CAND1: variants seen among roughly 807,000 people sequenced by gnomAD.
CAND1 encodes the protein cullin associated and neddylation dissociated 1, also known as cullin-associated NEDD8-dissociated protein 1.
CAND1 carries 7 observed loss-of-function variants against 108.5 expected under a neutral mutation model. The observed-to-expected ratio is 0.06, with a 90% CI of 0.04 to 0.12. The LOEUF is 0.12. Among genes scored for constraint, CAND1 ranks in the 10% least tolerant of loss-of-function variants. CAND1 has a pLI of 1.00. For missense variants in CAND1, 941 were observed against 1,448.7 expected, an observed-to-expected ratio of 0.65 and a Z score of 5.69; for synonymous variants, 534 against 512.0, an observed-to-expected ratio of 1.04 and a Z score of -0.58.
rs558509845 is a variant in CAND1 at position 67,315,090 on chromosome 12, A to G, written c.*2260A>G. 4 of 152,380 alleles carry G rather than the reference A, an allele frequency of 2.6e-5. No individual in the cohort carries two copies. Among genetic ancestry groups the G allele is most frequent in the African/African-American group, 9.6e-5 (4 of 41,594 alleles). The allele number at this position is 152,380 out of a possible 1,614,324, so 9.4% of individuals were successfully genotyped here. A position where few individuals can be genotyped will look rare whatever the true frequency, so the allele number is the denominator to read the frequency against. ...TTCCTGAGGAGATCTAAAAGTTAAT[A>G]CAAAACCAAGCTGTTTACTGATTTT... On this transcript the variant is annotated 3_prime_UTR_variant, in exon 15 of 15. Coordinates refer to ENST00000545606, the MANE Select transcript of CAND1 (RefSeq NM_018448.5).
At chr12:67,302,689 G>A in intron 8 of CAND1, 74 bp downstream of exon 8, 1 of 1,327,478 alleles carries the variant, frequency 7.5e-7, no homozygotes, top group Non-Finnish European at 1.1e-6. Context: ...TATATGGAAA[G>A]GTGAGTTCCA....
At chr12:67,287,808 T>G (rs1233254886) in intron 2 of CAND1, among the ~76,000 whole-genome samples, 12 of 151,830 alleles carry the variant, frequency 7.9e-5, no homozygotes, top group Non-Finnish European at 1.5e-5. Context: ...ATCCTACAAA[T>G]TTGGGTATAT....
intron 2 of CAND1, among the ~76,000 whole-genome samples, chr12:67,286,201 G>T (rs1346170354): frequency 6.6e-6 from 1 of 151,958 alleles, no homozygotes; most frequent in Non-Finnish European, 1.5e-5. Flanking sequence ...AAATAGAGAC[G>T]GGGTTTCACC....
intron 2 of CAND1, among the ~76,000 whole-genome samples, chr12:67,287,660 A>G (rs1186504426): frequency 6.6e-6 from 1 of 151,926 alleles, no homozygotes; most frequent in Non-Finnish European, 1.5e-5. Context: ...TGAATCAAAG[A>G]CCTGACTTGT....
At chr12:67,292,943 C>A in intron 3 of CAND1, 167 bp downstream of exon 3, 1 of 585,422 alleles carries the variant, frequency 1.7e-6, no homozygotes, top group East Asian at 3.0e-5. Flanking sequence ...CCTTATTTTC[C>A]TTAGAAATAA....
intron 2 of CAND1, among the ~76,000 whole-genome samples, chr12:67,288,027 G>C (rs1274222308): frequency 6.6e-6 from 1 of 151,508 alleles, no homozygotes; most frequent in Non-Finnish European, 1.5e-5. Context: ...GTAGGTCTTG[G>C]CAAATATTTT....
intron 1 of CAND1, among the ~76,000 whole-genome samples, chr12:67,271,245 TG>T (rs1341394551): frequency 6.6e-6 from 1 of 152,146 alleles, no homozygotes; most frequent in Non-Finnish European, 1.5e-5. Context: ...TTAAGATTCT[TG>T]GGGGAAATAA....
chr12:67,271,043 C>G (rs1199049169), intron 1 of CAND1, among the ~76,000 whole-genome samples: 4 of 152,196 alleles, frequency 2.6e-5, no homozygotes, highest in African/African-American at 9.7e-5. Context: ...AATTGATATA[C>G]TGGCTTATTA....
chr12:67,269,866 C>T lies in CAND1; in HGVS notation c.68+81C>T, dbSNP rs1426963868. On this transcript the variant is annotated intron_variant, in intron 1 of 14. Transcript: ENST00000545606. ...GGCCGTCACGCAGGCCTTGCCCCAC[C>T]CCTTCGGCCGTAGCCGGTAGCTTCT... is the stretch of plus-strand genomic sequence containing the variant. 7.2e-6 allele frequency: 9 copies of T among 1,242,166 alleles called. No individual in the cohort carries two copies. In the Admixed American group the frequency reaches 1.3e-4, roughly 17 times the overall value. 76.9% of individuals were successfully genotyped at this position (1,242,166 alleles called of 1,614,324 possible). A position where few individuals can be genotyped will look rare whatever the true frequency, so the allele number is the denominator to read the frequency against.
chr12:67,276,886 G>T lies in CAND1; in HGVS notation c.69-5024G>T, dbSNP rs115051503. 3.4e-3 allele frequency among the ~76,000 whole-genome samples: 524 copies of T among 152,264 alleles called. 5 individuals carry two copies. The highest frequency in any genetic ancestry group is 0.011 in the African/African-American group (470 of 41,564). On this transcript the variant is annotated intron_variant, in intron 1 of 14. Transcript: ENST00000545606. ...GTTGGGCTGCAGGACATTAATTTTT[G>T]ATTTTCACATCTTCACTATGGCGGA...
chr12:67,286,667 A>G (rs1368394433), intron 2 of CAND1, among the ~76,000 whole-genome samples: 1 of 150,322 alleles, frequency 6.7e-6, no homozygotes, highest in Non-Finnish European at 1.5e-5. Flanking sequence ...CTTTAGTTTG[A>G]TTTAATTTAT....
In CAND1 at chr12:67,315,981, A is replaced by G. The variant is rs1397406477; in HGVS notation, c.*3151A>G. The G allele has an allele frequency of 6.6e-6, 1 of 152,230 alleles. No individual in the cohort carries two copies. The highest frequency in any genetic ancestry group is 2.4e-5 in the African/African-American group (1 of 41,466). 9.4% of individuals were successfully genotyped at this position (152,230 alleles called of 1,614,324 possible). A position where few individuals can be genotyped will look rare whatever the true frequency, so the allele number is the denominator to read the frequency against. On this transcript the variant is annotated 3_prime_UTR_variant, in exon 15 of 15. Coordinates refer to ENST00000545606, the MANE Select transcript of CAND1 (RefSeq NM_018448.5). ...GAAGTAACATTTTCTGCCCACATTA[A>G]TTTTACTAAAGACCTAAATTGTTAA... is the stretch of plus-strand genomic sequence containing the variant.
intron 2 of CAND1, among the ~76,000 whole-genome samples, chr12:67,290,957 C>T (rs1188595566): frequency 6.6e-6 from 1 of 152,172 alleles, no homozygotes; most frequent in Non-Finnish European, 1.5e-5. Context: ...AGGTTGCATG[C>T]TCCTTATGAG....
At chr12:67,283,582 CAAAA>C (rs376419534) in intron 2 of CAND1, among the ~76,000 whole-genome samples, 1 of 88,516 alleles carries the variant, frequency 1.1e-5, no homozygotes, top group Non-Finnish European at 2.4e-5. Flanking sequence ...GACTGTGTCT[CAAAA>C]AAAAAAAAAA....
chr12:67,278,461 A>G (rs2044590102), intron 1 of CAND1, among the ~76,000 whole-genome samples: 2 of 149,952 alleles, frequency 1.3e-5, no homozygotes, highest in South Asian at 4.2e-4. Flanking sequence ...TACTCTTCAG[A>G]TCAGTCTTTC....
intron 1 of CAND1, among the ~76,000 whole-genome samples, chr12:67,274,245 C>G (rs1172038788): frequency 1.3e-5 from 2 of 152,166 alleles, no homozygotes; most frequent in African/African-American, 4.8e-5. Context: ...AATCTACATG[C>G]TTGTTGAATA....
At chr12:67,274,143 A>T (rs2044548369) in intron 1 of CAND1, among the ~76,000 whole-genome samples, 1 of 152,058 alleles carries the variant, frequency 6.6e-6, no homozygotes, top group Admixed American at 6.5e-5. Context: ...TTCCCTCTAA[A>T]ATTAGGCTTA....
chr12:67,279,258 A>G (rs2044598441), intron 1 of CAND1, among the ~76,000 whole-genome samples: 2 of 152,092 alleles, frequency 1.3e-5, no homozygotes, highest in South Asian at 2.1e-4. Flanking sequence ...CCAACCTAAC[A>G]GTCAACTCTT....
chr12:67,272,290 A>G (rs769101873), intron 1 of CAND1, among the ~76,000 whole-genome samples: 1 of 152,234 alleles, frequency 6.6e-6, no homozygotes, highest in Non-Finnish European at 1.5e-5. Flanking sequence ...GGTTCTAATC[A>G]TGTGTGATTC....
Sources: gnomAD v4.1 joint callset for allele counts (sites outside exome capture counted in the v4.1 genomes callset) on GRCh38, gnomAD v4.1.1 for gene constraint, MANE v1.5 for transcripts, NCBI Gene and HGNC (gene_info 2026-07-23, HGNC 2026-07-21) for gene names.